Variants in CIDEB observed in about 807,000 individuals in gnomAD.
CIDEB encodes lipid transferase CIDEB.
CIDEB carries 27 observed loss-of-function variants against 22.4 expected under a neutral mutation model. The observed-to-expected ratio is 1.21, with a 90% CI of 0.89 to 1.66. The LOEUF (loss-of-function observed/expected upper bound fraction) is 1.66. Ranked by LOEUF, CIDEB falls within the 40% of genes most tolerant of loss-of-function variation. CIDEB has a pLI of 0.00. For missense variants in CIDEB, 289 were observed against 268.7 expected (o/e 1.08, Z -0.53); for synonymous variants, 103 against 109.5 (o/e 0.94, Z 0.37).
chr14:24,311,386 A>G (rs2041699826), upstream of CIDEB: 2 of 1,602,816 alleles, frequency 1.2e-6, no homozygotes, highest in Non-Finnish European at 1.7e-6. Context: ...GCCCCCTACC[A>G]CGCAGTCAAC....
Position 24,305,299 on chromosome 14 carries a change from G to A in CIDEB, c.*334C>T. ...GAGAGGGCTGTCATCAGTATGCTGG[G>A]GAGTTTAGGGACAGGAGGCATTGGT... On this transcript the variant is annotated 3_prime_UTR_variant, in exon 5 of 5. Transcript: ENST00000554411. The A allele has an allele frequency of 3.4e-6, 2 of 590,036 alleles. No homozygotes were observed. The highest frequency in any genetic ancestry group is 5.5e-6 in the Non-Finnish European group (2 of 366,764). 36.6% of individuals were successfully genotyped at this position (590,036 alleles called of 1,614,324 possible). A position where few individuals can be genotyped will look rare whatever the true frequency, so the allele number is the denominator to read the frequency against.
rs2041529241 is a variant in CIDEB, at chr14:24,306,925, GT to G, written c.187-403del. 1.4e-5 allele frequency: 4 copies of G among 276,846 alleles called. No individual in the cohort carries two copies. The South Asian group carries it at 2.1e-4, about 14-fold the overall frequency. The allele number at this position is 276,846 out of a possible 1,614,324, so 17.1% of individuals were successfully genotyped here. A position where few individuals can be genotyped will look rare whatever the true frequency, so the allele number is the denominator to read the frequency against. On this transcript the variant is annotated intron_variant, in intron 2 of 4. Coordinates refer to ENST00000554411, the MANE Select transcript of CIDEB (RefSeq NM_001393339.1). ...TTTAACCTTTTTGAGTCCTTACTCTGTGCCAGGTATGAGGACTTTACCTACA... is the reference window on the plus strand; with the variant it reads ...TTTAACCTTTTTGAGTCCTTACTCTGGCCAGGTATGAGGACTTTACCTACA...
intron 3 of CIDEB, 87 bp from the exon 4 acceptor site, chr14:24,306,224 G>C: frequency 6.6e-7 from 1 of 1,525,460 alleles, no homozygotes; most frequent in Non-Finnish European, 9.0e-7. Flanking sequence ...ACCCTCCCTC[G>C]CTTGGACTTT....
chr14:24,310,382 G>A (rs2041650591), upstream of CIDEB: 3 of 614,980 alleles, frequency 4.9e-6, no homozygotes, highest in Non-Finnish European at 8.7e-6. Context: ...TGACAGCCTG[G>A]GGTGATGACT....
At chr14:24,307,255 CAGAG>C (rs1289861981) in intron 2 of CIDEB, 112 bp downstream of exon 2, 16 of 1,190,386 alleles carry the variant, frequency 1.3e-5, no homozygotes, top group Non-Finnish European at 1.8e-5. Context: ...TTTTAGCCCT[CAGAG>C]GGAGGGGCAG....
intron 1 of CIDEB, 126 bp from the exon 2 acceptor site, chr14:24,307,641 G>A: frequency 2.3e-6 from 3 of 1,280,046 alleles, no homozygotes; most frequent in South Asian, 1.4e-5. Flanking sequence ...TTAGGGATGA[G>A]GGAGAGACCA....
chr14:24,305,658 T>G lies in CIDEB; in HGVS notation c.635A>C (p.Gln212Pro), dbSNP rs373728856. 9 of 1,613,934 alleles carry G rather than the reference T, an allele frequency of 5.6e-6. No homozygotes were observed. Among genetic ancestry groups the G allele is most frequent in the Non-Finnish European group, 6.8e-6 (8 of 1,179,974 alleles). ...HAVEGAEQWQ[Q>P]KGRLHSY ...TTAGTAGGAATGGAGGCGGCCCTTC[T>G]GCTGCCACTGCTCAGCCCCCTCCAC... The change falls in exon 5 of 5, where the codon CAG becomes CCG. Residue 212 changes from glutamine to proline, a missense_variant. By Grantham distance (76) the Gln-to-Pro change is moderately conservative. Coordinates refer to ENST00000554411, the MANE Select transcript of CIDEB (RefSeq NM_001393339.1).
In CIDEB at chr14:24,305,575, T is replaced by G. The variant is rs773572023; in HGVS notation, c.*58A>C. The G allele has an allele frequency of 2.3e-5, 36 of 1,573,974 alleles. No homozygotes were observed. The highest frequency in any genetic ancestry group is 2.9e-5 in the Non-Finnish European group (34 of 1,161,860). ...CTGCAGGTCCTGAAATTTGATGCTG[T>G]CATAGTCTTTGCAGTGGGTCGGTTG... On this transcript the variant is annotated 3_prime_UTR_variant, in exon 5 of 5. Transcript: ENST00000554411.
chr14:24,310,721 GCGGGC>G (rs1566421697), upstream of CIDEB: 3 of 1,612,330 alleles, frequency 1.9e-6, no homozygotes, highest in Middle Eastern at 1.7e-4. Context: ...GGAAGACTTC[GCGGGC>G]CACAGGCACA....
chr14:24,305,900 C>G (rs1398466239), intron 4 of CIDEB, 47 bp downstream of exon 4: 1 of 1,592,052 alleles, frequency 6.3e-7, no homozygotes, highest in Non-Finnish European at 8.6e-7. Flanking sequence ...ATTATGGGGA[C>G]TATCCAACTG....
intron 1 of CIDEB, 123 bp from the exon 2 acceptor site, chr14:24,307,638 T>G: frequency 8.1e-7 from 1 of 1,231,938 alleles, no homozygotes; most frequent in South Asian, 1.4e-5. Context: ...CGATTAGGGA[T>G]GAGGGAGAGA....
At chr14:24,310,554 G>T, upstream of CIDEB, 1 of 1,173,594 alleles carries the variant, frequency 8.5e-7, no homozygotes, top group East Asian at 2.4e-5. Context: ...GCAGGCTGCA[G>T]GGAAGTAAGG....
At position 24,305,496 on chromosome 14, in the gene CIDEB, CGAG is replaced by C. The variant is rs2041469532; in HGVS notation, c.*134_*136del. 9.5e-7 allele frequency: 1 copy of C among 1,051,578 alleles called. No homozygotes were observed. Among genetic ancestry groups the C allele is most frequent in the Non-Finnish European group, 1.4e-6 (1 of 724,758 alleles). 65.1% of individuals were successfully genotyped at this position (1,051,578 alleles called of 1,614,324 possible). ...GGCGTTATGCTGAAAGGTTCTGTCA[CGAG>C]GGGATCAGAGGACAGTGGGGAAATT... On this transcript the variant is annotated 3_prime_UTR_variant, in exon 5 of 5. Transcript: ENST00000554411.
upstream of CIDEB, chr14:24,311,393 C>A: frequency 6.2e-7 from 1 of 1,602,524 alleles, no homozygotes; most frequent in Non-Finnish European, 8.5e-7. Flanking sequence ...ACCACGCAGT[C>A]AACCTTCTGC....
chr14:24,307,883 G>A lies in CIDEB; in HGVS notation c.-25C>T, dbSNP rs1189252947. ...TGGTGGACCGGAGAGTTCCTTCCCTGGAACTTCTGGGCTGGGTGGTTCTCT... is the reference window on the plus strand; with the variant it reads ...TGGTGGACCGGAGAGTTCCTTCCCTAGAACTTCTGGGCTGGGTGGTTCTCT... On this transcript the variant is annotated 5_prime_UTR_variant, in exon 1 of 5. Transcript: ENST00000554411. The A allele has an allele frequency of 5.7e-6, 9 of 1,572,400 alleles. No homozygotes were observed. The South Asian group carries it at 1.0e-4, about 18-fold the overall frequency.
Position 24,305,999 on chromosome 14 carries a change from G to T in CIDEB, c.475C>A (p.Leu159Ile). The T allele has an allele frequency of 6.2e-7, 1 of 1,614,188 alleles. No homozygotes were observed. The highest frequency in any genetic ancestry group is 8.5e-7 in the Non-Finnish European group (1 of 1,180,034). ...TGAAAGTCACAACTCATAGAGTAGA[G>T]CCCGTAGAATGTGGCTTTGACATTC... ...SLNVKATFYG[L>I]YSMSCDFQGL... Residue 159 changes from leucine to isoleucine, a missense_variant, in exon 4 of 5, where the codon CTC (leucine) becomes ATC (isoleucine). Coordinates refer to ENST00000554411, the MANE Select transcript of CIDEB (RefSeq NM_001393339.1).
chr14:24,307,705 T>TG, intron 1 of CIDEB, 113 bp downstream of exon 1: 1 of 1,297,042 alleles, frequency 7.7e-7, no homozygotes, highest in Non-Finnish European at 1.1e-6. Flanking sequence ...CACTGTGGAG[T>TG]GGGGAGCAGG....
upstream of CIDEB, chr14:24,311,401 T>A (rs373569884): frequency 9.4e-6 from 15 of 1,602,150 alleles, no homozygotes; most frequent in Non-Finnish European, 1.3e-5. Flanking sequence ...GTCAACCTTC[T>A]GCAGGCGGTC....
rs369429042 is a variant in CIDEB, at chr14:24,307,697, C to CT, written c.41+120dup. ...GTGGCTCAGGAGCTTGACAAGCCCA[C>CT]TGTGGAGTGGGGAGCAGGAGAGGAA... On this transcript the variant is annotated intron_variant, in intron 1 of 4. Transcript: ENST00000554411. 1.8e-5 allele frequency: 23 copies of CT among 1,290,978 alleles called. No individual in the cohort carries two copies. The African/African-American group carries it at 2.5e-4, about 14-fold the overall frequency. 80.0% of individuals were successfully genotyped at this position (1,290,978 alleles called of 1,614,324 possible).
Sources: allele counts gnomAD v4.1 joint callset, GRCh38; gene constraint gnomAD v4.1.1; transcripts MANE v1.5; gene names NCBI Gene and HGNC (gene_info 2026-07-23, HGNC 2026-07-21).